CNTNAP2: variants seen among roughly 807,000 people sequenced by gnomAD.
CNTNAP2 encodes contactin associated protein 2, also known as contactin-associated protein-like 2.
CNTNAP2 carries 98 observed loss-of-function variants against 155.2 expected under a neutral mutation model. The observed-to-expected ratio is 0.63, with a 90% CI of 0.54 to 0.75. The LOEUF is 0.75. CNTNAP2 is among the 30% of genes least tolerant of loss of function. CNTNAP2 has a pLI of 0.00. For missense variants in CNTNAP2, 1,727 were observed against 1,688.1 expected, an observed-to-expected ratio of 1.02 and a Z score of -0.40; for synonymous variants, 651 against 631.2, an observed-to-expected ratio of 1.03 and a Z score of -0.47.
At chr7:146,953,620 C>T (rs1044557233) in intron 3 of CNTNAP2, among the ~76,000 whole-genome samples, 1 of 151,866 alleles carries the variant, frequency 6.6e-6, no homozygotes, top group African/African-American at 2.4e-5. Context: ...CATTAAATTA[C>T]CTTTTGAACA....
At chr7:147,041,396 A>C (rs1221864880) in intron 3 of CNTNAP2, among the ~76,000 whole-genome samples, 3 of 152,284 alleles carry the variant, frequency 2.0e-5, no homozygotes, top group East Asian at 3.9e-4. Flanking sequence ...AGTCCTAGAG[A>C]GGCTACCCAT....
chr7:146,648,709 A>G (rs1444955416), intron 1 of CNTNAP2, among the ~76,000 whole-genome samples: 2 of 152,142 alleles, frequency 1.3e-5, no homozygotes, highest in African/African-American at 4.8e-5. Flanking sequence ...AAAAAACACA[A>G]TCATATTTTG....
chr7:146,421,147 CAT>C (rs1796006580), intron 1 of CNTNAP2, among the ~76,000 whole-genome samples: 1 of 151,944 alleles, frequency 6.6e-6, no homozygotes, highest in African/African-American at 2.4e-5. Context: ...TAAGATTTGT[CAT>C]CTGTTACATC....
intron 2 of CNTNAP2, among the ~76,000 whole-genome samples, chr7:146,788,249 G>T (rs1430644551): frequency 6.6e-6 from 1 of 152,222 alleles, no homozygotes; most frequent in African/African-American, 2.4e-5. Context: ...CCCAGAGGGG[G>T]ACCCCCACAG....
chr7:148,344,541 G>T (rs568213766), intron 21 of CNTNAP2, among the ~76,000 whole-genome samples: 14 of 152,076 alleles, frequency 9.2e-5, no homozygotes, highest in Non-Finnish European at 1.6e-4. Context: ...TCCTGTAGTT[G>T]CCTGCTCTCT....
At chr7:148,134,637 G>A (rs758782269) in intron 16 of CNTNAP2, among the ~76,000 whole-genome samples, 8 of 151,998 alleles carry the variant, frequency 5.3e-5, no homozygotes, top group South Asian at 2.1e-4. Flanking sequence ...AAATAAAATC[G>A]TATACAATAA....
intron 13 of CNTNAP2, among the ~76,000 whole-genome samples, chr7:147,646,587 A>G (rs934517834): frequency 2.7e-5 from 4 of 150,900 alleles, no homozygotes; most frequent in Admixed American, 6.6e-5. Context: ...TTATGTACCA[A>G]TTTTTTTTTT....
intron 13 of CNTNAP2, among the ~76,000 whole-genome samples, chr7:147,871,657 T>A (rs1466959705): frequency 8.2e-6 from 1 of 121,786 alleles, no homozygotes; most frequent in Non-Finnish European, 1.7e-5. Flanking sequence ...CTCCATTCCT[T>A]TCTCTTTTTT....
intron 1 of CNTNAP2, among the ~76,000 whole-genome samples, chr7:146,545,689 T>A (rs1798019561): frequency 6.6e-6 from 1 of 151,934 alleles, no homozygotes; most frequent in Admixed American, 6.6e-5. Flanking sequence ...CAACAGATGC[T>A]GGAAAGGATG....
chr7:146,780,871 T>C (rs181637995), intron 2 of CNTNAP2, among the ~76,000 whole-genome samples: 299 of 151,748 alleles, frequency 2.0e-3, no homozygotes, highest in Non-Finnish European at 3.3e-3. Flanking sequence ...TGGCCTTTCA[T>C]AGGGTGAAGG....
intron 20 of CNTNAP2, among the ~76,000 whole-genome samples, chr7:148,252,081 G>A (rs1356200412): frequency 6.6e-6 from 1 of 152,178 alleles, no homozygotes; most frequent in Non-Finnish European, 1.5e-5. Context: ...GTCCTGATTA[G>A]GTTAGCAGGC....
At chr7:147,736,862 T>C (rs1584928820) in intron 13 of CNTNAP2, among the ~76,000 whole-genome samples, 1 of 152,246 alleles carries the variant, frequency 6.6e-6, no homozygotes, top group Non-Finnish European at 1.5e-5. Flanking sequence ...TGCTATGGTT[T>C]TCAGCTCCAT....
At chr7:146,277,570 G>C (rs1474930503) in intron 1 of CNTNAP2, among the ~76,000 whole-genome samples, 1 of 152,176 alleles carries the variant, frequency 6.6e-6, no homozygotes, top group Non-Finnish European at 1.5e-5. Context: ...TCCTGCTCTT[G>C]ATAATCCTGC....
In CNTNAP2 at chr7:148,172,231, G is replaced by A; in HGVS notation, c.2774-11G>A. 3 of 1,613,090 alleles carry A rather than the reference G, an allele frequency of 1.9e-6. No individual in the cohort carries two copies. The highest frequency in any genetic ancestry group is 2.5e-6 in the Non-Finnish European group (3 of 1,179,696). On this transcript the variant is annotated splice_polypyrimidine_tract_variant and intron_variant, in intron 17 of 23. Transcript: ENST00000361727. ...ATTCCCTCTGAACTCTGTGCCTTCT[G>A]TCATTCCCAGGTGGTGCTGGGGGCC... is the stretch of plus-strand genomic sequence containing the variant.
At position 147,273,460 on chromosome 7, in the gene CNTNAP2, C is replaced by T. The variant is rs1014873702; in HGVS notation, c.1349-26681C>T. ...TTGGGCTACTAGGGCACCCATCACC[C>T]GAATAGTGATCATTGTATCCAACAG... On this transcript the variant is annotated intron_variant, in intron 8 of 23. Transcript: ENST00000361727. Among the ~76,000 whole-genome samples the T allele has an allele frequency of 1.1e-4, 16 of 151,954 alleles. No individual in the cohort carries two copies. The East Asian group carries it at 1.9e-3, about 18-fold the overall frequency.
At chr7:148,375,266 A>C (rs1798961830) in intron 21 of CNTNAP2, among the ~76,000 whole-genome samples, 1 of 147,490 alleles carries the variant, frequency 6.8e-6, no homozygotes, top group African/African-American at 2.5e-5. Flanking sequence ...AACTATATAT[A>C]GTTACATATA....
At chr7:146,775,730 G>T (rs889948795) in intron 2 of CNTNAP2, among the ~76,000 whole-genome samples, 1 of 151,824 alleles carries the variant, frequency 6.6e-6, no homozygotes, top group Non-Finnish European at 1.5e-5. Flanking sequence ...AGGCATATCA[G>T]ATTTAGAAAG....
At chr7:148,029,375 C>A (rs989620812) in intron 15 of CNTNAP2, among the ~76,000 whole-genome samples, 1 of 152,124 alleles carries the variant, frequency 6.6e-6, no homozygotes, top group African/African-American at 2.4e-5. Flanking sequence ...GCCGAGTTTG[C>A]TAATTGCCCC....
intron 14 of CNTNAP2, among the ~76,000 whole-genome samples, chr7:147,951,848 G>C (rs1800935613): frequency 6.6e-6 from 1 of 151,900 alleles, no homozygotes. Flanking sequence ...ATGATGGGTT[G>C]ATAGGTGCAG....
Sources: gnomAD v4.1 joint callset for allele counts (sites outside exome capture counted in the v4.1 genomes callset) on GRCh38, gnomAD v4.1.1 for gene constraint, MANE v1.5 for transcripts, NCBI Gene and HGNC (gene_info 2026-07-23, HGNC 2026-07-21) for gene names.